ROS1: variants seen among roughly 807,000 people sequenced by gnomAD.
The protein encoded by ROS1 is proto-oncogene tyrosine-protein kinase ROS.
ROS1 carries 263 observed loss-of-function variants against 273.5 expected under a neutral mutation model. That is an observed-to-expected ratio of 0.96 (90% CI 0.87 to 1.06). ROS1 has a LOEUF of 1.06. Among genes scored for constraint, ROS1 ranks in the 50% least tolerant of loss-of-function variants. ROS1 has a pLI of 0.00. For missense variants in ROS1, 2,833 were observed against 2,751.1 expected (o/e 1.03, Z -0.67); for synonymous variants, 1,008 against 954.1 (o/e 1.06, Z -1.04).
chr6:117,424,180 A>T (rs1244106094), intron 1 of ROS1, among the ~76,000 whole-genome samples: 1 of 152,224 alleles, frequency 6.6e-6, no homozygotes, highest in African/African-American at 2.4e-5. Context: ...ATGGTGGTAC[A>T]TTCATATAAT....
chr6:117,324,824 A>C (rs1163533570), intron 34 of ROS1, among the ~76,000 whole-genome samples: 2 of 152,132 alleles, frequency 1.3e-5, no homozygotes, highest in African/African-American at 4.8e-5. Flanking sequence ...AAACATGGTA[A>C]TTTCTCTTAG....
intron 5 of ROS1, among the ~76,000 whole-genome samples, chr6:117,407,504 T>C (rs1429787703): frequency 6.6e-6 from 1 of 152,190 alleles, no homozygotes; most frequent in Non-Finnish European, 1.5e-5. Context: ...ATACCTTCTG[T>C]ACCTTTTACA....
chr6:117,350,442 TG>T (rs1179883343), intron 27 of ROS1, among the ~76,000 whole-genome samples: 10 of 152,124 alleles, frequency 6.6e-5, no homozygotes, highest in Non-Finnish European at 1.3e-4. Flanking sequence ...TTCTGCAGTT[TG>T]AATATGATAG....
At chr6:117,395,064 G>T (rs372816596) in intron 9 of ROS1, among the ~76,000 whole-genome samples, 4 of 152,066 alleles carry the variant, frequency 2.6e-5, no homozygotes, top group African/African-American at 7.2e-5. Context: ...GAATTGGCTC[G>T]GTGGAGGTGG....
chr6:117,390,025 T>C (rs1217921772), intron 12 of ROS1, among the ~76,000 whole-genome samples, 179 bp from the exon 13 acceptor site: 2 of 152,210 alleles, frequency 1.3e-5, no homozygotes, highest in Non-Finnish European at 2.9e-5. Context: ...TTCGTTTAAG[T>C]TACAAGTTGG....
At chr6:117,421,030 A>G (rs13196657) in intron 1 of ROS1, among the ~76,000 whole-genome samples, 8,194 of 151,844 alleles carry the variant, frequency 0.054, 265 homozygotes, top group Middle Eastern at 0.092. Context: ...GTTTACCTGT[A>G]CCTTTTCCCA....
chr6:117,300,479 A>T (rs144743466), intron 43 of ROS1, among the ~76,000 whole-genome samples: 1 of 152,318 alleles, frequency 6.6e-6, no homozygotes, highest in East Asian at 1.9e-4. Context: ...AAAACATACA[A>T]ATGAAAAGAT....
rs1298220220 is a variant in ROS1, at chr6:117,386,973, C to T, written c.2026G>A (p.Val676Met). Residue 676 changes from valine to methionine, a missense_variant, in exon 15 of 44, where the codon GTG becomes ATG. Val to Met is a conservative substitution (Grantham distance 21). Coordinates refer to ENST00000368507, the MANE Select transcript of ROS1 (RefSeq NM_001378902.1). ...TTACTCCAAAGCCCATCTTCTTTCA[C>T]AGCCATGATAAATGGTGGTTCACTA... ...PASEPPFIMA[V>M]KEDGLWSKPL... The T allele has an allele frequency of 2.5e-6, 4 of 1,611,804 alleles. No individual in the cohort carries two copies. The highest frequency in any genetic ancestry group is 3.4e-6 in the Non-Finnish European group (4 of 1,178,250).
chr6:117,289,032 T>C (rs1773635718), intron 43 of ROS1, among the ~76,000 whole-genome samples: 2 of 152,202 alleles, frequency 1.3e-5, no homozygotes, highest in African/African-American at 4.8e-5. Flanking sequence ...TATATGTATA[T>C]ATATGTCACC....
chr6:117,303,073 C>T (rs185056703), intron 42 of ROS1, among the ~76,000 whole-genome samples: 1 of 152,290 alleles, frequency 6.6e-6, no homozygotes, highest in Admixed American at 6.5e-5. Flanking sequence ...AAATCTAGTA[C>T]TTAAAACATT....
Position 117,310,131 on chromosome 6 carries a change from C to T in ROS1, c.6366G>A (p.Met2122Ile), listed in dbSNP as rs1775424027. The T allele has an allele frequency of 6.2e-7, 1 of 1,613,478 alleles. No individual in the cohort carries two copies. Among genetic ancestry groups the T allele is most frequent in the Non-Finnish European group, 8.5e-7 (1 of 1,179,634 alleles). The change falls in exon 41 of 44, where the codon ATG becomes ATA. Residue 2122 changes from methionine (M) to isoleucine (I), a missense_variant. Physicochemically the swap from Met to Ile is conservative, Grantham distance 10. Transcript: ENST00000368507. ...RGEGLLPVRW[M>I]APESLMDGIF... ...TTCCATCCATCAAACTTTCTGGAGCCATCCACCGAACTGGGAGCAGGCCTT... is the reference window on the plus strand; with the variant it reads ...TTCCATCCATCAAACTTTCTGGAGCTATCCACCGAACTGGGAGCAGGCCTT...
At chr6:117,395,399 C>T (rs1410118586) in intron 9 of ROS1, among the ~76,000 whole-genome samples, 3 of 152,114 alleles carry the variant, frequency 2.0e-5, no homozygotes, top group Non-Finnish European at 2.9e-5. Flanking sequence ...AGTCTAGGAA[C>T]AGCCAAAAAA....
chr6:117,352,286 T>C (rs1778938104), intron 27 of ROS1, among the ~76,000 whole-genome samples: 1 of 152,104 alleles, frequency 6.6e-6, no homozygotes, highest in Non-Finnish European at 1.5e-5. Context: ...GTTTGTATGG[T>C]TTTTAGATTT....
chr6:117,349,866 C>T (rs867374990), intron 27 of ROS1, among the ~76,000 whole-genome samples: 3 of 152,098 alleles, frequency 2.0e-5, no homozygotes, highest in South Asian at 4.1e-4. Flanking sequence ...TAACAAAATA[C>T]TCCCAAGTCC....
At chr6:117,311,303 C>T (rs558109082) in intron 39 of ROS1, among the ~76,000 whole-genome samples, 186 bp from the exon 40 acceptor site, 27 of 151,806 alleles carry the variant, frequency 1.8e-4, no homozygotes, top group Non-Finnish European at 2.2e-4. Flanking sequence ...ATGTTTCCTA[C>T]GCAAATATAC....
intron 42 of ROS1, among the ~76,000 whole-genome samples, chr6:117,306,522 C>T (rs1775114768): frequency 6.6e-6 from 1 of 152,148 alleles, no homozygotes; most frequent in African/African-American, 2.4e-5. Flanking sequence ...TTCTATCGTA[C>T]ATCTCAGGCT....
At chr6:117,344,331 A>G (rs1778200003) in intron 27 of ROS1, 69 bp from the exon 28 acceptor site, 1 of 1,087,366 alleles carries the variant, frequency 9.2e-7, no homozygotes, top group Non-Finnish European at 1.3e-6. Context: ...CAGATTTTTA[A>G]CAAGAATAAT....
chr6:117,393,354 G>A lies in ROS1; in HGVS notation c.1192-33C>T, dbSNP rs373741126. 202 of 1,299,890 alleles carry A rather than the reference G, an allele frequency of 1.6e-4. 1 individual carries two copies. Among genetic ancestry groups the A allele is most frequent in the Non-Finnish European group, 2.2e-4 (194 of 898,340 alleles). 80.5% of individuals were successfully genotyped at this position (1,299,890 alleles called of 1,614,324 possible). A position where few individuals can be genotyped will look rare whatever the true frequency, so the allele number is the denominator to read the frequency against. On this transcript the variant is annotated intron_variant, in intron 11 of 43. Transcript: ENST00000368507. ...AATAAAAAATATACCGGTAGGATTAGCATCTGTCTATACAGCATTAAATTC... is the reference window on the plus strand; with the variant it reads ...AATAAAAAATATACCGGTAGGATTAACATCTGTCTATACAGCATTAAATTC...
chr6:117,342,661 A>G, intron 28 of ROS1, 117 bp from the exon 29 acceptor site: 1 of 692,328 alleles, frequency 1.4e-6, no homozygotes, highest in Non-Finnish European at 2.3e-6. Context: ...AATTTATTTT[A>G]AATTCTGGAT....
Sources: gnomAD v4.1 joint callset for allele counts (sites outside exome capture counted in the v4.1 genomes callset) on GRCh38, gnomAD v4.1.1 for gene constraint, MANE v1.5 for transcripts, NCBI Gene and HGNC (gene_info 2026-07-23, HGNC 2026-07-21) for gene names.